The following DAB1 variants were observed in gnomAD, a reference collection of about 807,000 sequenced individuals.
The protein encoded by DAB1 is DAB adaptor protein 1.
Under a neutral mutation model 64.6 loss-of-function variants are expected in DAB1, and 15 were observed. That is an observed-to-expected ratio of 0.23 (90% CI 0.16 to 0.36). The LOEUF (loss-of-function observed/expected upper bound fraction) is 0.36, where lower values mean the gene tolerates loss of function less well. Ranked by LOEUF, DAB1 falls within the 10% of genes least tolerant of loss-of-function variation. DAB1 has a pLI of 1.00. For missense variants in DAB1, 596 were observed against 706.7 expected, an observed-to-expected ratio of 0.84 and a Z score of 1.78; for synonymous variants, 235 against 251.9, an observed-to-expected ratio of 0.93 and a Z score of 0.64.
At chr1:58,308,399 G>A (rs770902576) in intron 4 of DAB1, among the ~76,000 whole-genome samples, 44 of 151,974 alleles carry the variant, frequency 2.9e-4, no homozygotes, top group Non-Finnish European at 4.3e-4. Flanking sequence ...GAGTGATGTG[G>A]GCATGACACC....
At position 58,508,197 on chromosome 1, in the gene DAB1, TTAAGA is replaced by T. The variant is rs1200540858; in HGVS notation, n.108-1993_108-1989del. Among the ~76,000 whole-genome samples, 7 of 152,324 alleles carry T rather than the reference TTAAGA, an allele frequency of 4.6e-5. No homozygotes were observed. The South Asian group carries it at 1.0e-3, about 23-fold the overall frequency. On this transcript the variant is annotated intron_variant and non_coding_transcript_variant, in intron 2 of 20. Transcript: ENST00000485760. ...GGGACTTGAGATATCTACTTTAATG[TTAAGA>T]TAAGAGTGTTGAGTTTGTCTGTACT...
intron 4 of DAB1, among the ~76,000 whole-genome samples, chr1:58,269,465 C>T (rs1436351618): frequency 6.7e-6 from 1 of 150,358 alleles, no homozygotes; most frequent in Non-Finnish European, 1.5e-5. Context: ...AATAATGCCG[C>T]AATAAACATA....
intron 5 of DAB1, among the ~76,000 whole-genome samples, chr1:57,953,985 C>A (rs973797935): frequency 1.3e-5 from 2 of 152,078 alleles, no homozygotes; most frequent in African/African-American, 4.8e-5. Flanking sequence ...TAACCCTTCC[C>A]ATACCTCCAC....
chr1:57,475,514 A>T (rs1049411863), intron 7 of DAB1, among the ~76,000 whole-genome samples: 2 of 152,220 alleles, frequency 1.3e-5, no homozygotes, highest in African/African-American at 4.8e-5. Context: ...TATTACTTGG[A>T]TAAGGAAATC....
At chr1:58,104,153 G>A (rs1408438078) in intron 5 of DAB1, among the ~76,000 whole-genome samples, 1 of 152,232 alleles carries the variant, frequency 6.6e-6, no homozygotes, top group Non-Finnish European at 1.5e-5. Flanking sequence ...CACAGAGAGG[G>A]AAATGCACCA....
intron 5 of DAB1, among the ~76,000 whole-genome samples, chr1:58,095,104 G>A (rs190625570): frequency 3.3e-5 from 5 of 152,214 alleles, no homozygotes; most frequent in Non-Finnish European, 5.9e-5. Flanking sequence ...CGCTGACCCC[G>A]GCTCTCGACT....
At chr1:58,420,497 C>T (rs548722054) in intron 3 of DAB1, among the ~76,000 whole-genome samples, 1 of 152,286 alleles carries the variant, frequency 6.6e-6, no homozygotes, top group Admixed American at 6.5e-5. Flanking sequence ...GTAGAAACCA[C>T]CTAACTCAGA....
chr1:57,690,897 T>G (rs3131768), intron 6 of DAB1, among the ~76,000 whole-genome samples: 112,126 of 152,100 alleles, frequency 0.74, 42,249 homozygotes, highest in East Asian at 0.93. Context: ...GATGATATAT[T>G]ATGTTGAGCA....
chr1:57,486,116 T>C (rs1341258448), intron 7 of DAB1, among the ~76,000 whole-genome samples: 1 of 152,218 alleles, frequency 6.6e-6, no homozygotes, highest in Non-Finnish European at 1.5e-5. Context: ...ATTAGGTTAA[T>C]TAGTTGTAGC....
chr1:57,956,215 G>A (rs549209519), intron 5 of DAB1, among the ~76,000 whole-genome samples: 1 of 152,310 alleles, frequency 6.6e-6, no homozygotes, highest in East Asian at 1.9e-4. Flanking sequence ...CAAGAGAGAA[G>A]AGCTCAAGGA....
chr1:57,282,410 T>G (rs528665252), intron 2 of DAB1, among the ~76,000 whole-genome samples: 3 of 152,156 alleles, frequency 2.0e-5, no homozygotes, highest in South Asian at 4.2e-4. Context: ...AAGGGCTTGA[T>G]GTATTGTCCT....
Position 57,014,991 on chromosome 1 carries a change from A to G in DAB1, c.1336T>C (p.Tyr446His), listed in dbSNP as rs1482079648. The change falls in exon 12 of 15, where the codon TAC (tyrosine) becomes CAC (histidine). Residue 446 changes from tyrosine to histidine, a missense_variant. Tyr to His is a moderately conservative substitution (Grantham distance 83). Transcript: ENST00000371236. ...TGTGCCACCCCGACTTTGTTGAAGT[A>G]ACTGGAGAAGGCCTCTGAGGTACAG... is the stretch of plus-strand genomic sequence containing the variant. Reference protein sequence around the residue: ...LTCTSEAFSSYFNKVGVAQDT... With the variant: ...LTCTSEAFSSHFNKVGVAQDT... 6.2e-7 allele frequency: 1 copy of G among 1,614,142 alleles called. No homozygotes were observed. Among genetic ancestry groups the G allele is most frequent in the Non-Finnish European group, 8.5e-7 (1 of 1,180,020 alleles).
At chr1:57,144,626 G>A (rs970402314) in intron 3 of DAB1, among the ~76,000 whole-genome samples, 9 of 151,392 alleles carry the variant, frequency 5.9e-5, no homozygotes, top group African/African-American at 1.2e-4. Context: ...CCCAGGAGGC[G>A]GAAGTTGCAG....
intron 12 of DAB1, among the ~76,000 whole-genome samples, chr1:57,013,715 T>A (rs760438739): frequency 1.3e-5 from 2 of 152,176 alleles, no homozygotes; most frequent in Non-Finnish European, 2.9e-5. Context: ...AGCATGAGCC[T>A]TTTCTTTCCT....
intron 6 of DAB1, among the ~76,000 whole-genome samples, chr1:57,706,071 A>T (rs1291204856): frequency 5.3e-5 from 8 of 152,014 alleles, no homozygotes; most frequent in Non-Finnish European, 1.0e-4. Flanking sequence ...ATAGTTACAG[A>T]TTCACAAAAA....
chr1:58,311,253 T>C (rs545337100), intron 4 of DAB1, among the ~76,000 whole-genome samples: 2 of 152,188 alleles, frequency 1.3e-5, no homozygotes, highest in Non-Finnish European at 2.9e-5. Context: ...TCTTCAGCTG[T>C]CTTTGCTTTA....
chr1:58,466,393 T>C (rs756178051), intron 3 of DAB1, among the ~76,000 whole-genome samples: 3 of 152,000 alleles, frequency 2.0e-5, no homozygotes, highest in South Asian at 2.1e-4. Flanking sequence ...CCTAACAGAT[T>C]TCTTGCATGT....
chr1:57,444,070 G>A (rs1686050040), intron 7 of DAB1, among the ~76,000 whole-genome samples: 1 of 151,998 alleles, frequency 6.6e-6, no homozygotes, highest in South Asian at 2.1e-4. Flanking sequence ...AGCTACAGTG[G>A]CTCTCATTTA....
chr1:57,187,791 T>C (rs1466760943), intron 2 of DAB1, among the ~76,000 whole-genome samples: 1 of 151,962 alleles, frequency 6.6e-6, no homozygotes, highest in East Asian at 1.9e-4. Context: ...TCTCAACCAT[T>C]CAGCTAATCC....
Sources: gnomAD v4.1 joint callset for allele counts (sites outside exome capture counted in the v4.1 genomes callset) on GRCh38, gnomAD v4.1.1 for gene constraint, MANE v1.5 for transcripts, NCBI Gene and HGNC (gene_info 2026-07-23, HGNC 2026-07-21) for gene names.